SLC25A12: variants seen among roughly 807,000 people sequenced by gnomAD.
SLC25A12 encodes the protein electrogenic aspartate/glutamate antiporter SLC25A12, mitochondrial.
A neutral mutation model predicts 83.3 loss-of-function variants in SLC25A12; 32 were observed. The observed-to-expected ratio is 0.38, with a 90% CI of 0.29 to 0.52. The LOEUF (loss-of-function observed/expected upper bound fraction) is 0.52. Among genes scored for constraint, SLC25A12 ranks in the 20% least tolerant of loss-of-function variants. The pLI is 0.84. For synonymous variants in SLC25A12, 267 were observed against 291.1 expected, an observed-to-expected ratio of 0.92 and a Z score of 0.84; for missense variants, 611 against 835.6, an observed-to-expected ratio of 0.73 and a Z score of 3.31.
chr2:171,826,580 G>A (rs1005734316), intron 9 of SLC25A12, among the ~76,000 whole-genome samples: 3 of 152,152 alleles, frequency 2.0e-5, no homozygotes, highest in African/African-American at 7.2e-5. Context: ...TTGCACTCCA[G>A]CCTGGGCAAC....
intron 14 of SLC25A12, 92 bp downstream of exon 14, chr2:171,793,535 G>A (rs1267694241): frequency 7.6e-7 from 1 of 1,320,640 alleles, no homozygotes; most frequent in Admixed American, 1.7e-5. Flanking sequence ...CTACCCTGCT[G>A]GACAAGATTG....
At chr2:171,836,931 T>C (rs138419150) in intron 6 of SLC25A12, among the ~76,000 whole-genome samples, 190 bp downstream of exon 6, 58 of 150,186 alleles carry the variant, frequency 3.9e-4, no homozygotes, top group African/African-American at 1.1e-3. Flanking sequence ...CACACACACA[T>C]ACATACATTC....
intron 2 of SLC25A12, among the ~76,000 whole-genome samples, chr2:171,881,668 T>G (rs1685697955): frequency 6.6e-6 from 1 of 152,166 alleles, no homozygotes; most frequent in African/African-American, 2.4e-5. Context: ...AAAGTATTAA[T>G]GTAGGGATGT....
chr2:171,830,516 A>T (rs888658803), intron 8 of SLC25A12, among the ~76,000 whole-genome samples: 3 of 151,902 alleles, frequency 2.0e-5, no homozygotes, highest in African/African-American at 7.3e-5. Context: ...AGGTTGCTTT[A>T]TATTTTTTTT....
chr2:171,875,073 G>T (rs1330057545), intron 2 of SLC25A12, among the ~76,000 whole-genome samples: 1 of 152,098 alleles, frequency 6.6e-6, no homozygotes, highest in Non-Finnish European at 1.5e-5. Context: ...CCTCTGATTG[G>T]TTGCTTTCCG....
chr2:171,861,859 G>A (rs950891388), intron 3 of SLC25A12, among the ~76,000 whole-genome samples: 1 of 152,106 alleles, frequency 6.6e-6, no homozygotes, highest in Non-Finnish European at 1.5e-5. Context: ...CACTCTATTA[G>A]TTTTCCTTGT....
chr2:171,786,382 TAAAAAA>T (rs5836348), intron 17 of SLC25A12, among the ~76,000 whole-genome samples: 1 of 85,826 alleles, frequency 1.2e-5, no homozygotes, highest in African/African-American at 4.5e-5. Flanking sequence ...AGACTCCGTC[TAAAAAA>T]AAAAAAAAAA....
intron 3 of SLC25A12, chr2:171,856,816 CA>C (rs907216539): frequency 1.6e-4 from 25 of 151,924 alleles, no homozygotes; most frequent in African/African-American, 5.1e-4. Context: ...CAATATAATA[CA>C]AATGCTTGAT....
intron 2 of SLC25A12, among the ~76,000 whole-genome samples, chr2:171,888,706 T>C (rs1048983770): frequency 3.9e-4 from 60 of 152,122 alleles, no homozygotes; most frequent in Admixed American, 3.0e-3. Context: ...GCCTCCCAAA[T>C]TGCTGGGATT....
chr2:171,843,018 G>A (rs925069832), intron 5 of SLC25A12, among the ~76,000 whole-genome samples: 4 of 151,904 alleles, frequency 2.6e-5, no homozygotes, highest in East Asian at 1.9e-4. Context: ...ACAAGGTTTC[G>A]CCATGTTGGC....
rs868010642 is a variant in SLC25A12, at chr2:171,893,107, A to G, written c.66+98T>C. 3.1e-6 allele frequency: 3 copies of G among 953,084 alleles called. No individual in the cohort carries two copies. The Middle Eastern group carries it at 6.4e-4, about 203-fold the overall frequency. 59.0% of individuals were successfully genotyped at this position (953,084 alleles called of 1,614,324 possible). A position where few individuals can be genotyped will look rare whatever the true frequency, so the allele number is the denominator to read the frequency against. ...CCGGTCATGTTTGAAAGAATACATG[A>G]AAACTGAACATTCCTCAAAGTTAAG... On this transcript the variant is annotated intron_variant, in intron 2 of 17. Coordinates refer to ENST00000422440, the MANE Select transcript of SLC25A12 (RefSeq NM_003705.5).
rs73976520 is a variant in SLC25A12 at position 171,836,592 on chromosome 2, G to A, written c.612+529C>T. ...ATTTCCTCCATACCTTCTGCCATGGGCATGGTTATTAAAACACTGCAGAAG... is the reference window on the plus strand; with the variant it reads ...ATTTCCTCCATACCTTCTGCCATGGACATGGTTATTAAAACACTGCAGAAG... On this transcript the variant is annotated intron_variant, in intron 6 of 17. Coordinates refer to ENST00000422440, the MANE Select transcript of SLC25A12 (RefSeq NM_003705.5). 3.4e-3 allele frequency among the ~76,000 whole-genome samples: 524 copies of A among 152,238 alleles called. 2 individuals are homozygous for A. The highest frequency in any genetic ancestry group is 0.011 in the African/African-American group (475 of 41,532).
chr2:171,813,465 G>C lies in SLC25A12; in HGVS notation c.1045C>G (p.Leu349Val), dbSNP rs769294226. ...VGATAVYPID[L>V]VKTRMQNQRG... The stretch of plus-strand genomic sequence containing the variant: ...TGGTTTTGCATTCGGGTCTTCACCA[G>C]ATCTATAGGATACACTGCAGTGGCT... The change falls in exon 11 of 18, where the codon CTG becomes GTG. Residue 349 changes from leucine to valine, a missense_variant. Leu to Val is a conservative substitution (Grantham distance 32). Coordinates refer to ENST00000422440, the MANE Select transcript of SLC25A12 (RefSeq NM_003705.5). 4 of 1,613,878 alleles carry C rather than the reference G, an allele frequency of 2.5e-6. No homozygotes were observed.
chr2:171,810,171 G>T, intron 12 of SLC25A12, 53 bp downstream of exon 12: 1 of 1,501,092 alleles, frequency 6.7e-7, no homozygotes, highest in Non-Finnish European at 9.3e-7. Flanking sequence ...TTAGCTTTTT[G>T]GCTTAATGGT....
chr2:171,872,669 A>T (rs778215037), intron 2 of SLC25A12, among the ~76,000 whole-genome samples: 1 of 152,204 alleles, frequency 6.6e-6, no homozygotes, highest in Non-Finnish European at 1.5e-5. Context: ...AAAAGGAGTG[A>T]TTCATTCTTA....
chr2:171,822,025 C>T (rs1316259358), intron 9 of SLC25A12, among the ~76,000 whole-genome samples: 1 of 152,020 alleles, frequency 6.6e-6, no homozygotes, highest in African/African-American at 2.4e-5. Context: ...GAATATCCAT[C>T]ATTAATTAAA....
intron 9 of SLC25A12, among the ~76,000 whole-genome samples, chr2:171,826,582 C>G: frequency 6.6e-6 from 1 of 152,132 alleles, no homozygotes. Flanking sequence ...GCACTCCAGC[C>G]TGGGCAACAC....
rs1414259441 is a variant in SLC25A12 at position 171,785,442 on chromosome 2, T to C, written c.1869A>G (p.Ser623=). The stretch of plus-strand genomic sequence containing the variant: ...TGGCAGGAGGAAGGTCTGCAATGCG[T>C]GACTTAGGTGTTGGTTCTGAACCAG... ...KPAGSEPTPK[S]RIADLPPANP... is the part of the protein sequence containing the mutation. The change falls in exon 18 of 18, where the codon TCA becomes TCG. Residue 623 remains serine (S), a synonymous_variant. Transcript: ENST00000422440. 1.2e-6 allele frequency: 2 copies of C among 1,614,200 alleles called. No homozygotes were observed. The highest frequency in any genetic ancestry group is 1.7e-6 in the Non-Finnish European group (2 of 1,180,034).
intron 8 of SLC25A12, among the ~76,000 whole-genome samples, chr2:171,828,255 A>G (rs575361242): frequency 4.2e-4 from 64 of 152,366 alleles, no homozygotes; most frequent in Middle Eastern, 3.4e-3. Flanking sequence ...AGAATGGGGA[A>G]GTACTCTTTT....
Sources: allele counts gnomAD v4.1 joint callset (sites outside exome capture counted in the v4.1 genomes callset), GRCh38; gene constraint gnomAD v4.1.1; transcripts MANE v1.5; gene names NCBI Gene and HGNC (gene_info 2026-07-23, HGNC 2026-07-21).